C8orf74: variants seen among roughly 807,000 people sequenced by gnomAD.
The protein encoded by C8orf74 is chromosome 8 open reading frame 74, also known as uncharacterized protein C8orf74.
Under a neutral mutation model 22.2 loss-of-function variants are expected in C8orf74, and 29 were observed. The ratio of observed to expected loss-of-function variants is 1.31; its 90% CI spans 0.97 to 1.78. The LOEUF (loss-of-function observed/expected upper bound fraction) is 1.78. C8orf74 is among the 40% of genes most tolerant of loss of function. The pLI, the probability that C8orf74 is intolerant of heterozygous loss-of-function variation, is 0.00. For missense variants in C8orf74, 515 were observed against 369.9 expected, an observed-to-expected ratio of 1.39 and a Z score of -3.22; for synonymous variants, 255 against 163.1, an observed-to-expected ratio of 1.56 and a Z score of -4.30.
At position 10,686,132 on chromosome 8, in the gene C8orf74, G is replaced by A. The variant is rs946284756; in HGVS notation, c.241+11294G>A. Among the ~76,000 whole-genome samples, 9 of 152,144 alleles carry A rather than the reference G, an allele frequency of 5.9e-5. 1 individual carries two copies. Among genetic ancestry groups the A allele is most frequent in the African/African-American group, 2.4e-5 (1 of 41,450 alleles). On this transcript the variant is annotated intron_variant, in intron 2 of 3. Coordinates refer to ENST00000304519, the MANE Select transcript of C8orf74 (RefSeq NM_001040032.2). ...TTATGTTATGTATATTACAACAATT[G>A]AAAAATTAAATTTAAATCTAAGAAT...
At chr8:10,682,803 C>T (rs1165895535) in intron 2 of C8orf74, among the ~76,000 whole-genome samples, 1 of 152,222 alleles carries the variant, frequency 6.6e-6, no homozygotes, top group Non-Finnish European at 1.5e-5. Context: ...GCCATAGAAA[C>T]CTTCCCCTGC....
At chr8:10,687,269 C>T (rs544242569) in intron 2 of C8orf74, 7 of 368,210 alleles carry the variant, frequency 1.9e-5, no homozygotes, top group South Asian at 1.2e-4. Flanking sequence ...CTCTATTTTA[C>T]AGGTAAGAAC....
At chr8:10,684,622 G>A (rs899195334) in intron 2 of C8orf74, among the ~76,000 whole-genome samples, 6 of 152,190 alleles carry the variant, frequency 3.9e-5, no homozygotes, top group Non-Finnish European at 8.8e-5. Flanking sequence ...ACCCCAAGGG[G>A]TGCCTGAAAC....
chr8:10,675,359 A>C (rs1799011232), intron 2 of C8orf74, among the ~76,000 whole-genome samples: 1 of 152,172 alleles, frequency 6.6e-6, no homozygotes, highest in Non-Finnish European at 1.5e-5. Flanking sequence ...TGGCATGAGG[A>C]GCTGTGGTCA....
At chr8:10,683,021 C>T (rs748947373) in intron 2 of C8orf74, among the ~76,000 whole-genome samples, 1 of 152,244 alleles carries the variant, frequency 6.6e-6, no homozygotes, top group Non-Finnish European at 1.5e-5. Flanking sequence ...GGTCAGCATC[C>T]ACCCAGCTGA....
At chr8:10,685,619 G>C (rs1799247045) in intron 2 of C8orf74, among the ~76,000 whole-genome samples, 1 of 152,202 alleles carries the variant, frequency 6.6e-6, no homozygotes, top group South Asian at 2.1e-4. Flanking sequence ...AAGTAGAATG[G>C]GGATTGCCAA....
chr8:10,677,151 C>T (rs752759979), intron 2 of C8orf74, among the ~76,000 whole-genome samples: 11 of 152,206 alleles, frequency 7.2e-5, no homozygotes, highest in Non-Finnish European at 1.3e-4. Context: ...ACAGACACCC[C>T]CTAAGGAACA....
chr8:10,697,684 CCT>C lies in C8orf74; in HGVS notation c.330_331del (p.Cys111Ter). On this transcript the variant is annotated frameshift_variant, in exon 3 of 4. Transcript: ENST00000304519. LOFTEE classifies it high-confidence loss of function. The stretch of plus-strand genomic sequence containing the variant: ...ATTTCAACACCACCCACCTGCTGGC[CCT>C]CTGTGACTACTTCCACCACACCTTC... ...GHFNTTHLLALCDYFHHTFIR... is the reference protein window; with the variant it reads ...GHFNTTHLLAXCDYFHHTFIR... 6.2e-7 allele frequency: 1 copy of C among 1,614,004 alleles called. No homozygotes were observed. Among genetic ancestry groups the C allele is most frequent in the Non-Finnish European group, 8.5e-7 (1 of 1,179,884 alleles).
intron 2 of C8orf74, among the ~76,000 whole-genome samples, 158 bp from the exon 3 acceptor site, chr8:10,697,441 C>T (rs918102824): frequency 6.6e-6 from 1 of 151,960 alleles, no homozygotes; most frequent in Non-Finnish European, 1.5e-5. Flanking sequence ...AGAGTTAGAC[C>T]CCGTCTCAAA....
At chr8:10,693,554 T>G (rs895002264) in intron 2 of C8orf74, among the ~76,000 whole-genome samples, 2 of 152,232 alleles carry the variant, frequency 1.3e-5, no homozygotes, top group Admixed American at 1.3e-4. Context: ...AGACTTTGAT[T>G]GGGCCCCTCC....
chr8:10,692,887 C>T (rs970407616), intron 2 of C8orf74: 3 of 152,240 alleles, frequency 2.0e-5, no homozygotes, highest in Non-Finnish European at 2.9e-5. Context: ...GAAAAGACCG[C>T]CTCTCGCTCC....
At position 10,694,248 on chromosome 8, in the gene C8orf74, G is replaced by A. The variant is rs117117141; in HGVS notation, c.242-3351G>A. On this transcript the variant is annotated intron_variant, in intron 2 of 3. Coordinates refer to ENST00000304519, the MANE Select transcript of C8orf74 (RefSeq NM_001040032.2). Reference sequence around the variant, plus strand: ...CATAGTATTGCCAGAATCTTACATAGTGCCGAGTAATTAATAGACAGTAAC... The same window carrying A: ...CATAGTATTGCCAGAATCTTACATAATGCCGAGTAATTAATAGACAGTAAC... 8.8e-3 allele frequency among the ~76,000 whole-genome samples: 1,337 copies of A among 152,220 alleles called. 40 individuals carry two copies. Among genetic ancestry groups the A allele is most frequent in the East Asian group, 0.082 (425 of 5,186 alleles).
intron 2 of C8orf74, among the ~76,000 whole-genome samples, chr8:10,679,112 C>A (rs1249293450): frequency 1.3e-5 from 2 of 152,180 alleles, no homozygotes; most frequent in African/African-American, 2.4e-5. Context: ...CTTGGCCATT[C>A]CCTCAGCCTC....
At chr8:10,700,213 C>A (rs201803874) in intron 3 of C8orf74, 22 bp from the exon 4 acceptor site, 3 of 1,528,612 alleles carry the variant, frequency 2.0e-6, no homozygotes, top group Non-Finnish European at 2.7e-6. Flanking sequence ...CCCTGCTCAT[C>A]GGCCTTCCCC....
chr8:10,679,011 CT>C (rs763064416), intron 2 of C8orf74, among the ~76,000 whole-genome samples: 4 of 152,212 alleles, frequency 2.6e-5, no homozygotes, highest in Non-Finnish European at 4.4e-5. Context: ...CCGGGTTCTC[CT>C]CACTGACAAA....
intron 2 of C8orf74, among the ~76,000 whole-genome samples, chr8:10,685,808 G>T (rs1283576685): frequency 6.6e-6 from 1 of 152,200 alleles, no homozygotes; most frequent in Non-Finnish European, 1.5e-5. Context: ...AGTGGCTCAC[G>T]CCTGTAATCC....
intron 2 of C8orf74, among the ~76,000 whole-genome samples, chr8:10,695,600 C>A (rs1252350991): frequency 6.6e-6 from 1 of 152,168 alleles, no homozygotes; most frequent in Non-Finnish European, 1.5e-5. Flanking sequence ...GTGAATATTT[C>A]CATACAGAGC....
At chr8:10,674,432 G>A (rs1353627319) in intron 1 of C8orf74, among the ~76,000 whole-genome samples, 1 of 12,060 alleles carries the variant, frequency 8.3e-5, no homozygotes, top group East Asian at 1.8e-3. Flanking sequence ...ATCATATCCT[G>A]CAACCCCCAT....
chr8:10,697,048 T>G (rs1312848856), intron 2 of C8orf74, among the ~76,000 whole-genome samples: 2 of 151,800 alleles, frequency 1.3e-5, no homozygotes, highest in Non-Finnish European at 2.9e-5. Context: ...ACTGGGGTAA[T>G]CATATAAGAA....
Sources: allele counts gnomAD v4.1 joint callset (sites outside exome capture counted in the v4.1 genomes callset), GRCh38; gene constraint gnomAD v4.1.1; transcripts MANE v1.5; gene names NCBI Gene and HGNC (gene_info 2026-07-23, HGNC 2026-07-21).